Variants in AMPD1 observed in about 807,000 individuals in gnomAD.
AMPD1 encodes AMP deaminase 1.
AMPD1 carries 74 observed loss-of-function variants against 82.9 expected under a neutral mutation model. The ratio of observed to expected loss-of-function variants is 0.89; its 90% CI spans 0.74 to 1.08. The LOEUF is 1.08. Among genes scored for constraint, AMPD1 ranks in the 50% least tolerant of loss-of-function variants. The pLI, the probability that AMPD1 is intolerant of heterozygous loss-of-function variation, is 0.00. For missense variants in AMPD1, 881 were observed against 924.5 expected (o/e 0.95, Z 0.61); for synonymous variants, 333 against 320.5 (o/e 1.04, Z -0.42).
intron 5 of AMPD1, among the ~76,000 whole-genome samples, chr1:114,682,759 T>C (rs1658198096): frequency 6.6e-6 from 1 of 152,114 alleles, no homozygotes; most frequent in Non-Finnish European, 1.5e-5. Context: ...TTTGTATTTT[T>C]AGTAGAGACG....
In AMPD1 at chr1:114,680,479, CTT is replaced by C. The variant is rs757800136; in HGVS notation, c.548-3_548-2del. 1 of 1,613,498 alleles carries C rather than the reference CTT, an allele frequency of 6.2e-7. No homozygotes were observed. On this transcript the variant is annotated splice_acceptor_variant and splice_polypyrimidine_tract_variant and intron_variant, in intron 5 of 15. Transcript: ENST00000520113. LOFTEE classifies it high-confidence loss of function. ...CCCTTCTTCACAGGAGGAGTAAAGA[CTT>C]TTTCAATCAAACACAGAGTAATATA... is the stretch of plus-strand genomic sequence containing the variant.
rs117880627 is a variant in AMPD1, at chr1:114,693,431, C to T, written c.34+5G>A. On this transcript the variant is annotated splice_donor_5th_base_variant and intron_variant, in intron 2 of 15. Transcript: ENST00000520113. Reference sequence around the variant, plus strand: ...AAATGGCAGCAAAAGTAATGCAATACTCACGTTTCTCTTCAGCTGTATGAA... The same window carrying T: ...AAATGGCAGCAAAAGTAATGCAATATTCACGTTTCTCTTCAGCTGTATGAA... 3.6e-5 allele frequency: 58 copies of T among 1,609,720 alleles called. No homozygotes were observed. In the East Asian group the frequency reaches 9.6e-4, roughly 27 times the overall value.
chr1:114,684,247 G>A lies in AMPD1; in HGVS notation c.499C>T (p.Arg167Trp), dbSNP rs747662901. 28 of 1,613,882 alleles carry A rather than the reference G, an allele frequency of 1.7e-5. No homozygotes were observed. The highest frequency in any genetic ancestry group is 1.5e-4 in the African/African-American group (11 of 74,866). The part of the protein sequence containing the change: ...RFPKTPSKYL[R>W]NIDGEAWVAN... ...ACCCAAGCCTCACCATCAATGTTCCGCAAGTATTTGGAAGGGGTTTTAGGG... is the reference window on the plus strand; with the variant it reads ...ACCCAAGCCTCACCATCAATGTTCCACAAGTATTTGGAAGGGGTTTTAGGG... The change falls in exon 5 of 16, where the codon CGG becomes TGG. Residue 167 changes from arginine (R) to tryptophan (W), a missense_variant. Coordinates refer to ENST00000520113, the MANE Select transcript of AMPD1 (RefSeq NM_000036.3).
Position 114,688,561 on chromosome 1 carries a change from C to G in AMPD1, c.215G>C (p.Arg72Thr), listed in dbSNP as rs1658387568. 4 of 1,614,064 alleles carry G rather than the reference C, an allele frequency of 2.5e-6. No homozygotes were observed. The highest frequency in any genetic ancestry group is 1.1e-5 in the South Asian group (1 of 91,090). ...ETLSTSTEAR[R>T]KKRFQGRKTV... ...TAAGCACTCCCCTTACACCACTTAC[C>G]TCCTGGCTTCTGTGGAGGTGGACAG... The change falls in exon 3 of 16, where the codon AGA (arginine) becomes ACA (threonine). Residue 72 changes from arginine (R) to threonine (T), a missense_variant and splice_region_variant. By Grantham distance (71) the Arg-to-Thr change is moderately conservative. This residue lies in a region of AMPD1 where 783 missense variants were observed against 786.4 expected (regional missense o/e 1.00). Coordinates refer to ENST00000520113, the MANE Select transcript of AMPD1 (RefSeq NM_000036.3).
At chr1:114,673,563 T>A in intron 15 of AMPD1, 76 bp downstream of exon 15, 1 of 1,204,928 alleles carries the variant, frequency 8.3e-7, no homozygotes. Flanking sequence ...TCTACATGTG[T>A]TTCCCAACTA....
At position 114,688,632 on chromosome 1, in the gene AMPD1, C is replaced by A; in HGVS notation, c.144G>T (p.Pro48=). 1 of 1,614,198 alleles carries A rather than the reference C, an allele frequency of 6.2e-7. No individual in the cohort carries two copies. The highest frequency in any genetic ancestry group is 1.1e-5 in the South Asian group (1 of 91,078). The part of the protein sequence containing the change: ...ISPFDVDEIC[P]ISHHEMQAHI... ...GTGCTTGCATCTCATGATGAGAAATCGGACAGATCTCATCCACATCAAAGG... is the reference window on the plus strand; with the variant it reads ...GTGCTTGCATCTCATGATGAGAAATAGGACAGATCTCATCCACATCAAAGG... The change falls in exon 3 of 16, where the codon CCG becomes CCT. Residue 48 remains proline (P), a synonymous_variant. Transcript: ENST00000520113.
intron 2 of AMPD1, among the ~76,000 whole-genome samples, chr1:114,690,559 T>G (rs568741904): frequency 6.6e-6 from 1 of 152,192 alleles, no homozygotes; most frequent in Non-Finnish European, 1.5e-5. Flanking sequence ...TTGGCCAAAC[T>G]TCATGCATCT....
chr1:114,682,723 C>A (rs374083491), intron 5 of AMPD1, among the ~76,000 whole-genome samples: 19 of 152,104 alleles, frequency 1.2e-4, no homozygotes, highest in Non-Finnish European at 2.2e-4. Context: ...GGACTACAGG[C>A]GCCCGCCACC....
intron 2 of AMPD1, among the ~76,000 whole-genome samples, chr1:114,689,758 A>C (rs898963621): frequency 5.3e-5 from 8 of 152,206 alleles, no homozygotes; most frequent in Admixed American, 3.3e-4. Flanking sequence ...CAGAGGTTGC[A>C]GTGAGTTGAG....
intron 3 of AMPD1, among the ~76,000 whole-genome samples, chr1:114,687,563 C>T (rs1658357117): frequency 6.6e-6 from 1 of 151,910 alleles, no homozygotes; most frequent in Non-Finnish European, 1.5e-5. Context: ...GTCTTTTCCC[C>T]ATGAAGCTGG....
intron 4 of AMPD1, among the ~76,000 whole-genome samples, chr1:114,684,848 C>G (rs1658264550): frequency 6.6e-6 from 1 of 152,152 alleles, no homozygotes; most frequent in Non-Finnish European, 1.5e-5. Flanking sequence ...TCTCTCAAAC[C>G]CATGCACGGC....
At chr1:114,693,009 C>T (rs2101727894) in intron 2 of AMPD1, among the ~76,000 whole-genome samples, 1 of 151,676 alleles carries the variant, frequency 6.6e-6, no homozygotes, top group Admixed American at 6.6e-5. Context: ...CCTGTCATCT[C>T]AGCTACTCGG....
In AMPD1 at chr1:114,675,547, C is replaced by A. The variant is rs780245321; in HGVS notation, c.1662G>T (p.Val554=). 3 of 1,614,028 alleles carry A rather than the reference C, an allele frequency of 1.9e-6. No individual in the cohort carries two copies. The highest frequency in any genetic ancestry group is 2.5e-6 in the Non-Finnish European group (3 of 1,180,024). Residue 554 remains valine (V), a synonymous_variant, in exon 12 of 16, where the codon GTG becomes GTT. Transcript: ENST00000520113. ...YAYYMYANIM[V]LNSLRKERGM... is the part of the protein sequence containing the mutation. ...CTACTTACTTTCTCAGGCTGTTGAG[C>A]ACCATGATGTTTGCATACATGTAGT...
intron 5 of AMPD1, 82 bp from the exon 6 acceptor site, chr1:114,680,560 A>C (rs912211994): frequency 8.9e-7 from 1 of 1,128,632 alleles, no homozygotes; most frequent in Admixed American, 1.7e-5. Context: ...GAAATACTAC[A>C]ACATCTCATT....
At chr1:114,693,042 T>C (rs957125251) in intron 2 of AMPD1, among the ~76,000 whole-genome samples, 1 of 151,492 alleles carries the variant, frequency 6.6e-6, no homozygotes, top group South Asian at 2.1e-4. Context: ...AGATAATTAG[T>C]TGAATCCGGG....
intron 5 of AMPD1, 133 bp from the exon 6 acceptor site, chr1:114,680,611 A>G: frequency 1.3e-6 from 1 of 747,744 alleles, no homozygotes; most frequent in Non-Finnish European, 2.3e-6. Context: ...ATCTGGAATT[A>G]AGCTAACCTT....
In AMPD1 at chr1:114,677,970, C is replaced by T. The variant is rs758582169; in HGVS notation, c.1164G>A (p.Arg388=). The T allele has an allele frequency of 1.6e-5, 26 of 1,613,714 alleles. No individual in the cohort carries two copies. The highest frequency in any genetic ancestry group is 2.1e-5 in the Non-Finnish European group (25 of 1,179,932). ...AATTGTCTGTCTTCAAGTAGAGGTC[C>T]CGTAGCTCACTTGCTCCTACAGGAT... is the stretch of plus-strand genomic sequence containing the variant. ...KYNPVGASEL[R]DLYLKTDNYI... Residue 388 remains arginine, a synonymous_variant, in exon 9 of 16, where the codon CGG becomes CGA. Coordinates refer to ENST00000520113, the MANE Select transcript of AMPD1 (RefSeq NM_000036.3).
Position 114,695,513 on chromosome 1 carries a change from G to A in AMPD1, c.-42C>T, listed in dbSNP as rs575333296. ...GATTCTAGGATAGCACAGTAGAAAAGAAGAGAGAGGAGACTGTGGGGTGAC... is the reference window on the plus strand; with the variant it reads ...GATTCTAGGATAGCACAGTAGAAAAAAAGAGAGAGGAGACTGTGGGGTGAC... On this transcript the variant is annotated 5_prime_UTR_variant, in exon 1 of 16. Coordinates refer to ENST00000520113, the MANE Select transcript of AMPD1 (RefSeq NM_000036.3). The A allele has an allele frequency of 7.4e-5, 120 of 1,614,080 alleles. No individual in the cohort carries two copies. In the East Asian group the frequency reaches 2.6e-3, roughly 35 times the overall value.
chr1:114,690,308 CAAAT>C (rs1368719107), intron 2 of AMPD1, among the ~76,000 whole-genome samples: 3 of 152,076 alleles, frequency 2.0e-5, no homozygotes, highest in African/African-American at 7.2e-5. Context: ...TGCCTTAAGA[CAAAT>C]AAAGCACCAG....
Sources: gnomAD v4.1 joint callset for allele counts (sites outside exome capture counted in the v4.1 genomes callset) on GRCh38, gnomAD v4.1.1 for gene constraint, gnomAD v4.1.1 regional missense constraint, MANE v1.5 for transcripts, NCBI Gene and HGNC (gene_info 2026-07-23, HGNC 2026-07-21) for gene names.